The following DHX15 variants were observed in gnomAD, a reference collection of about 807,000 sequenced individuals.
The protein encoded by DHX15 is DEAH-box helicase 15.
DHX15 carries 11 observed loss-of-function variants against 94.4 expected under a neutral mutation model. The observed-to-expected ratio is 0.12, with a 90% CI of 0.07 to 0.19. The LOEUF is 0.19. Among genes scored for constraint, DHX15 ranks in the 10% least tolerant of loss-of-function variants. The pLI is 1.00. For synonymous variants in DHX15, 338 were observed against 329.9 expected (o/e 1.02, Z -0.27); for missense variants, 304 against 988.5 (o/e 0.31, Z 9.29).
At chr4:24,581,974 T>G (rs1171461645) in intron 1 of DHX15, among the ~76,000 whole-genome samples, 1 of 152,140 alleles carries the variant, frequency 6.6e-6, no homozygotes, top group Non-Finnish European at 1.5e-5. Flanking sequence ...CCCACTGAAT[T>G]ACCTTCCCTT....
At chr4:24,531,310 G>A (rs1314924153) in intron 12 of DHX15, among the ~76,000 whole-genome samples, 1 of 151,926 alleles carries the variant, frequency 6.6e-6, no homozygotes, top group Non-Finnish European at 1.5e-5. Context: ...GGATGGTCTC[G>A]ATCTCTTGAC....
chr4:24,581,811 T>C (rs6854161), intron 1 of DHX15, among the ~76,000 whole-genome samples: 41,919 of 152,080 alleles, frequency 0.28, 6,036 homozygotes, highest in East Asian at 0.44. Context: ...TCGGTAATTG[T>C]ATAGTGAAGA....
chr4:24,552,404 AT>A (rs1424808987), intron 5 of DHX15, among the ~76,000 whole-genome samples: 1 of 152,220 alleles, frequency 6.6e-6, no homozygotes, highest in Non-Finnish European at 1.5e-5. Context: ...CTCTTATCTA[AT>A]TACTATCTAG....
rs185077929 is a variant in DHX15 at position 24,559,272 on chromosome 4, T to C, written c.702-2862A>G. 7.9e-5 allele frequency among the ~76,000 whole-genome samples: 12 copies of C among 151,764 alleles called. No homozygotes were observed. In the East Asian group the frequency reaches 1.2e-3, roughly 15 times the overall value. On this transcript the variant is annotated intron_variant, in intron 3 of 13. Transcript: ENST00000336812. ...GCTAGGAGAGAATCATGAAAGACTA[T>C]TGCCACTTAGAGCCTCCAGTTGGAA...
intron 1 of DHX15, among the ~76,000 whole-genome samples, chr4:24,577,442 G>C (rs1003574838): frequency 6.6e-6 from 1 of 151,996 alleles, no homozygotes; most frequent in Non-Finnish European, 1.5e-5. Context: ...CTTCTTGCTT[G>C]TTTACTCTTG....
At chr4:24,551,833 G>C (rs566197451) in intron 5 of DHX15, among the ~76,000 whole-genome samples, 1 of 152,114 alleles carries the variant, frequency 6.6e-6, no homozygotes, top group Non-Finnish European at 1.5e-5. Flanking sequence ...AAAATATCCA[G>C]ATTTCACACA....
At chr4:24,551,108 A>G (rs978419651) in intron 5 of DHX15, among the ~76,000 whole-genome samples, 2 of 152,240 alleles carry the variant, frequency 1.3e-5, no homozygotes, top group African/African-American at 4.8e-5. Context: ...GGAAAAAAAG[A>G]GAGAGACAGA....
intron 4 of DHX15, 42 bp downstream of exon 4, chr4:24,556,209 T>C (rs758365516): frequency 6.3e-7 from 1 of 1,577,288 alleles, no homozygotes; most frequent in Non-Finnish European, 8.7e-7. Flanking sequence ...TATGCCCACA[T>C]ACACACATAT....
At chr4:24,529,532 T>G in intron 13 of DHX15, 69 bp downstream of exon 13, 1 of 1,395,458 alleles carries the variant, frequency 7.2e-7, no homozygotes, top group Non-Finnish European at 1.0e-6. Context: ...GCCATGACTC[T>G]AGCAACAGTC....
Position 24,574,205 on chromosome 4 carries a change from CAAAAA to C in DHX15, c.507+2033_507+2037del, listed in dbSNP as rs61031930. 2.6e-3 allele frequency among the ~76,000 whole-genome samples: 176 copies of C among 68,874 alleles called. 1 individual carries two copies. The East Asian group carries it at 0.038, about 15-fold the overall frequency. The allele number at this position is 68,874 out of a possible 152,430, so 45.2% of individuals were successfully genotyped here. ...TGGGTGACAGAGCGAGACTTTGTCTCAAAAAAAAAAAAAAAAAAAAAAAGTTAAAG... is the reference window on the plus strand; with the variant it reads ...TGGGTGACAGAGCGAGACTTTGTCTCAAAAAAAAAAAAAAAAAAGTTAAAG... On this transcript the variant is annotated intron_variant, in intron 2 of 13. Coordinates refer to ENST00000336812, the MANE Select transcript of DHX15 (RefSeq NM_001358.3).
chr4:24,545,492 T>C (rs1475564564), intron 6 of DHX15, among the ~76,000 whole-genome samples: 2 of 152,218 alleles, frequency 1.3e-5, no homozygotes, highest in Non-Finnish European at 2.9e-5. Context: ...TCGTCATTAT[T>C]GATATTAGTA....
chr4:24,572,645 TTC>T (rs35209773), intron 2 of DHX15, among the ~76,000 whole-genome samples: 16,581 of 152,196 alleles, frequency 0.11, 1,211 homozygotes, highest in African/African-American at 0.21. Context: ...ATAAAACTCA[TTC>T]TGTTTTAACA....
intron 1 of DHX15, among the ~76,000 whole-genome samples, chr4:24,579,972 G>T (rs1355907695): frequency 6.6e-6 from 1 of 152,168 alleles, no homozygotes; most frequent in African/African-American, 2.4e-5. Context: ...CACCATGTTG[G>T]CCAGGATGGT....
rs61031930 is a variant in DHX15 at position 24,574,205 on chromosome 4, C to CAAAAAAAAAAAAAAAAAAAAAA, written c.507+2016_507+2037dup. Reference sequence around the variant, plus strand: ...TGGGTGACAGAGCGAGACTTTGTCTCAAAAAAAAAAAAAAAAAAAAAAAGT... The same window carrying CAAAAAAAAAAAAAAAAAAAAAA: ...TGGGTGACAGAGCGAGACTTTGTCTCAAAAAAAAAAAAAAAAAAAAAAAAAAAAAAAAAAAAAAAAAAAAAGT... On this transcript the variant is annotated intron_variant, in intron 2 of 13. Transcript: ENST00000336812. Among the ~76,000 whole-genome samples the CAAAAAAAAAAAAAAAAAAAAAA allele has an allele frequency of 3.5e-4, 24 of 68,864 alleles. 1 individual carries two copies. Among genetic ancestry groups the CAAAAAAAAAAAAAAAAAAAAAA allele is most frequent in the Non-Finnish European group, 4.1e-4 (15 of 36,152 alleles). 45.2% of individuals were successfully genotyped at this position (68,864 alleles called of 152,430 possible). A position where few individuals can be genotyped will look rare whatever the true frequency, so the allele number is the denominator to read the frequency against.
At chr4:24,532,826 T>C (rs772090288) in intron 12 of DHX15, 38 bp downstream of exon 12, 3 of 1,462,388 alleles carry the variant, frequency 2.1e-6, no homozygotes, top group Admixed American at 2.0e-5. Flanking sequence ...CAGTGTCATA[T>C]GAATACTTAG....
intron 2 of DHX15, among the ~76,000 whole-genome samples, chr4:24,575,749 A>T (rs1358341722): frequency 3.9e-5 from 6 of 152,326 alleles, no homozygotes; most frequent in South Asian, 4.1e-4. Flanking sequence ...ATCCATGTTT[A>T]AAAAATATCC....
At chr4:24,574,829 TAC>T (rs1334578908) in intron 2 of DHX15, among the ~76,000 whole-genome samples, 1 of 152,334 alleles carries the variant, frequency 6.6e-6, no homozygotes, top group East Asian at 1.9e-4. Context: ...AGTTCAGAGT[TAC>T]AGTCTTTCTT....
intron 6 of DHX15, among the ~76,000 whole-genome samples, chr4:24,547,937 ATATATC>A (rs1194457632): frequency 2.0e-3 from 67 of 33,934 alleles, no homozygotes; most frequent in South Asian, 3.8e-3. Flanking sequence ...ATATATATAT[ATATATC>A]TATATCTATA....
At chr4:24,541,428 C>T (rs575471978) in intron 8 of DHX15, among the ~76,000 whole-genome samples, 4 of 152,108 alleles carry the variant, frequency 2.6e-5, no homozygotes, top group Admixed American at 6.6e-5. Context: ...GGCCCCAAAG[C>T]GCCAAGAATA....
Sources: gnomAD v4.1 joint callset for allele counts (sites outside exome capture counted in the v4.1 genomes callset) on GRCh38, gnomAD v4.1.1 for gene constraint, MANE v1.5 for transcripts, NCBI Gene and HGNC (gene_info 2026-07-23, HGNC 2026-07-21) for gene names.